ASH1L: variants seen among roughly 807,000 people sequenced by gnomAD.
ASH1L encodes the protein histone-lysine N-methyltransferase ASH1L.
In ASH1L, 23 loss-of-function variants were observed where a neutral mutation model predicts 269.0. That is an observed-to-expected ratio of 0.09 (90% confidence interval 0.06 to 0.12). The LOEUF (loss-of-function observed/expected upper bound fraction) is 0.12. ASH1L is among the 10% of genes least tolerant of loss of function. ASH1L has a pLI of 1.00. For synonymous variants in ASH1L, 1,187 were observed against 1,253.5 expected (o/e 0.95, Z 1.12); for missense variants, 2,912 against 3,567.8 (o/e 0.82, Z 4.68).
intron 2 of ASH1L, among the ~76,000 whole-genome samples, chr1:155,502,166 G>A (rs1028318518): frequency 6.6e-6 from 1 of 151,050 alleles, no homozygotes; most frequent in Admixed American, 6.6e-5. Context: ...CGCCTCCCGG[G>A]TTCAAGCAAC....
intron 2 of ASH1L, among the ~76,000 whole-genome samples, chr1:155,487,272 A>T (rs544167853): frequency 6.6e-6 from 1 of 152,308 alleles, no homozygotes; most frequent in Non-Finnish European, 1.5e-5. Flanking sequence ...CACAAAGAGG[A>T]AAAATTTATT....
At chr1:155,354,667 A>G in intron 15 of ASH1L, 37 bp from the exon 16 acceptor site, 1 of 1,589,422 alleles carries the variant, frequency 6.3e-7, no homozygotes, top group Non-Finnish European at 8.6e-7. Context: ...TTTATTCATT[A>G]ATTAAATAAG....
At position 155,508,304 on chromosome 1, in the gene ASH1L, T is replaced by C. The variant is rs1250165129; in HGVS notation, c.420+12796A>G. On this transcript the variant is annotated intron_variant, in intron 2 of 27. Transcript: ENST00000392403. Reference sequence around the variant, plus strand: ...GAAAAATTACAAGAAAGTTTTTCTTTCCACTTGGGAGGAAAAAAGAAAACA... The same window carrying C: ...GAAAAATTACAAGAAAGTTTTTCTTCCCACTTGGGAGGAAAAAAGAAAACA... 2.6e-5 allele frequency among the ~76,000 whole-genome samples: 4 copies of C among 152,326 alleles called. No individual in the cohort carries two copies. The East Asian group carries it at 7.7e-4, about 29-fold the overall frequency.
chr1:155,340,151 T>C (rs1475116233), intron 25 of ASH1L, among the ~76,000 whole-genome samples: 3 of 151,796 alleles, frequency 2.0e-5, no homozygotes, highest in Non-Finnish European at 4.4e-5. Flanking sequence ...ATAGGGAAAA[T>C]AGGAACATAT....
intron 2 of ASH1L, among the ~76,000 whole-genome samples, chr1:155,503,189 T>C (rs561728688): frequency 6.6e-6 from 1 of 152,358 alleles, no homozygotes; most frequent in South Asian, 2.1e-4. Flanking sequence ...CTGTTTTTAC[T>C]GTGAGAGTTA....
chr1:155,349,983 G>A (rs1180359848), intron 17 of ASH1L, among the ~76,000 whole-genome samples: 1 of 149,810 alleles, frequency 6.7e-6, no homozygotes, highest in African/African-American at 2.5e-5. Context: ...TCCACCTCCC[G>A]GGTTCATGCC....
chr1:155,336,644 T>C lies in ASH1L; in HGVS notation c.*1016A>G, dbSNP rs1652340594. 6.6e-6 allele frequency: 1 copy of C among 152,490 alleles called. No homozygotes were observed. Among genetic ancestry groups the C allele is most frequent in the Non-Finnish European group, 1.5e-5 (1 of 68,000 alleles). The allele number at this position is 152,490 out of a possible 1,614,324, so 9.4% of individuals were successfully genotyped here. A position where few individuals can be genotyped will look rare whatever the true frequency, so the allele number is the denominator to read the frequency against. On this transcript the variant is annotated 3_prime_UTR_variant, in exon 28 of 28. Coordinates refer to ENST00000392403, the MANE Select transcript of ASH1L (RefSeq NM_018489.3). ...AAGATGGGCTAGGGGTGAAGAGAAATATACTGTCTCTTTAAGAAAGGGACA... is the reference window on the plus strand; with the variant it reads ...AAGATGGGCTAGGGGTGAAGAGAAACATACTGTCTCTTTAAGAAAGGGACA...
intron 1 of ASH1L, among the ~76,000 whole-genome samples, chr1:155,528,653 A>G (rs144857887): frequency 3.9e-5 from 6 of 152,214 alleles, no homozygotes; most frequent in African/African-American, 1.4e-4. Context: ...TTCCTCCCCA[A>G]CATTATGGAG....
In ASH1L at chr1:155,343,541, G is replaced by A; in HGVS notation, c.8121-55C>T. ...GGTTTAGCTGATTAGCAAGATCCTA[G>A]TGAACATTCAGCTCCACTGGTACAG... is the stretch of plus-strand genomic sequence containing the variant. On this transcript the variant is annotated intron_variant, in intron 23 of 27. Coordinates refer to ENST00000392403, the MANE Select transcript of ASH1L (RefSeq NM_018489.3). This position sits in a 1 kb window ranked among gnomAD's most constrained non-coding sequence, Gnocchi z 6.1. 1 of 1,612,036 alleles carries A rather than the reference G, an allele frequency of 6.2e-7. No homozygotes were observed. Among genetic ancestry groups the A allele is most frequent in the Admixed American group, 1.7e-5 (1 of 59,970 alleles).
chr1:155,374,429 C>G (rs180770170), intron 10 of ASH1L, among the ~76,000 whole-genome samples: 10 of 152,130 alleles, frequency 6.6e-5, no homozygotes, highest in Non-Finnish European at 1.5e-4. Context: ...AAAAATACCA[C>G]CACGATTCTA....
At chr1:155,485,240 A>G (rs1455416209) in intron 2 of ASH1L, among the ~76,000 whole-genome samples, 1 of 135,498 alleles carries the variant, frequency 7.4e-6, no homozygotes, top group Non-Finnish European at 1.6e-5. Context: ...TGGGCGAAAG[A>G]GCGAGATTCC....
intron 12 of ASH1L, 198 bp downstream of exon 12, chr1:155,370,306 T>A: frequency 3.1e-6 from 2 of 639,266 alleles, no homozygotes; most frequent in South Asian, 2.3e-5. Context: ...AGAACACAAA[T>A]AAAAACAAAA....
At chr1:155,524,531 A>G (rs942923279) in intron 1 of ASH1L, among the ~76,000 whole-genome samples, 1 of 151,432 alleles carries the variant, frequency 6.6e-6, no homozygotes, top group Non-Finnish European at 1.5e-5. Flanking sequence ...CAAAAAAAAA[A>G]AAAAAAAAAG....
At chr1:155,358,154 T>C (rs1379453856) in intron 13 of ASH1L, among the ~76,000 whole-genome samples, 2 of 152,024 alleles carry the variant, frequency 1.3e-5, no homozygotes, top group Non-Finnish European at 2.9e-5. Flanking sequence ...TAAGTATAAA[T>C]CAAGAAATTT....
intron 2 of ASH1L, among the ~76,000 whole-genome samples, chr1:155,505,491 G>T (rs930905351): frequency 2.0e-5 from 3 of 152,090 alleles, no homozygotes; most frequent in Non-Finnish European, 4.4e-5. Flanking sequence ...AAAGTTAAGT[G>T]ATATAAAACT....
intron 2 of ASH1L, among the ~76,000 whole-genome samples, chr1:155,512,029 C>G (rs1465827674): frequency 6.6e-6 from 1 of 151,940 alleles, no homozygotes; most frequent in African/African-American, 2.4e-5. Context: ...TCAGGCTGGT[C>G]TCGAACTCCC....
At chr1:155,529,990 A>G (rs2148864524) in intron 1 of ASH1L, among the ~76,000 whole-genome samples, 1 of 152,184 alleles carries the variant, frequency 6.6e-6, no homozygotes, top group Non-Finnish European at 1.5e-5. Context: ...AATAAAAAAA[A>G]AAGAAGTTTC....
At chr1:155,352,338 T>C (rs1215794514) in intron 17 of ASH1L, among the ~76,000 whole-genome samples, 3 of 132,304 alleles carry the variant, frequency 2.3e-5, no homozygotes, top group Admixed American at 8.1e-5. Flanking sequence ...ATGCAGAGAG[T>C]GTGATTTATT....
At chr1:155,339,207 C>T in intron 26 of ASH1L, 121 bp downstream of exon 26, 1 of 849,816 alleles carries the variant, frequency 1.2e-6, no homozygotes, top group African/African-American at 1.7e-5. Flanking sequence ...CTACACTGGG[C>T]TACTCTGCAG....
Sources: gnomAD v4.1 joint callset for allele counts (sites outside exome capture counted in the v4.1 genomes callset) on GRCh38, gnomAD v4.1.1 for gene constraint, Gnocchi (gnomAD v3.1) non-coding constraint, MANE v1.5 for transcripts, NCBI Gene and HGNC (gene_info 2026-07-23, HGNC 2026-07-21) for gene names.